Variants in CELF4 observed in about 807,000 individuals in gnomAD.
CELF4 encodes CUG-BP- and ETR-3-like factor 4.
In CELF4, 18 loss-of-function variants were observed where a neutral mutation model predicts 59.9. That is an observed-to-expected ratio of 0.30 (90% CI 0.21 to 0.45). The LOEUF is 0.45. CELF4 is among the 20% of genes least tolerant of loss of function. The probability of loss-of-function intolerance (pLI) is 1.00; values close to 1 mark genes in which losing one functional copy is unlikely to be tolerated. For missense variants in CELF4, 456 were observed against 689.0 expected (o/e 0.66, Z 3.79); for synonymous variants, 261 against 267.1 (o/e 0.98, Z 0.22).
intron 2 of CELF4, among the ~76,000 whole-genome samples, chr18:37,340,881 C>T (rs1048553291): frequency 1.3e-5 from 2 of 152,196 alleles, no homozygotes; most frequent in Non-Finnish European, 2.9e-5. Flanking sequence ...TCACTCCACG[C>T]ATGAGTCAGC....
intron 2 of CELF4, among the ~76,000 whole-genome samples, chr18:37,423,465 A>G (rs1253436076): frequency 2.0e-5 from 3 of 151,856 alleles, no homozygotes; most frequent in Non-Finnish European, 4.4e-5. Flanking sequence ...GCTCAGAGAC[A>G]TTGTTGGTAA....
intron 3 of CELF4, among the ~76,000 whole-genome samples, chr18:37,287,119 G>A (rs1273791247): frequency 1.3e-5 from 2 of 152,126 alleles, no homozygotes; most frequent in Non-Finnish European, 2.9e-5. Flanking sequence ...CAGGTGACTC[G>A]GGCTGGCCCC....
chr18:37,480,276 T>C (rs1037181619), intron 2 of CELF4, among the ~76,000 whole-genome samples: 20 of 152,296 alleles, frequency 1.3e-4, no homozygotes, highest in Non-Finnish European at 2.5e-4. Flanking sequence ...CAGGTGCTGA[T>C]GGGACCCAGA....
chr18:37,468,889 C>A (rs2099814919), intron 2 of CELF4, among the ~76,000 whole-genome samples: 1 of 152,150 alleles, frequency 6.6e-6, no homozygotes, highest in African/African-American at 2.4e-5. Context: ...CCAATCATCT[C>A]CTACTAGGTC....
intron 2 of CELF4, among the ~76,000 whole-genome samples, chr18:37,346,914 G>A (rs1569567191): frequency 6.6e-6 from 1 of 152,110 alleles, no homozygotes; most frequent in African/African-American, 2.4e-5. Flanking sequence ...GTGGTGGACG[G>A]GGTATCTTTG....
At chr18:37,366,066 G>C (rs138885485) in intron 2 of CELF4, among the ~76,000 whole-genome samples, 4 of 152,152 alleles carry the variant, frequency 2.6e-5, no homozygotes, top group Non-Finnish European at 5.9e-5. Flanking sequence ...ATGGAATACA[G>C]CATCTTGAAA....
At chr18:37,320,976 C>T (rs925297924) in intron 3 of CELF4, among the ~76,000 whole-genome samples, 1 of 152,068 alleles carries the variant, frequency 6.6e-6, no homozygotes, top group East Asian at 1.9e-4. Context: ...TTTGCCATGT[C>T]CTTGCCTTTC....
intron 2 of CELF4, among the ~76,000 whole-genome samples, chr18:37,414,503 CTTTT>C (rs55943928): frequency 3.4e-5 from 4 of 116,064 alleles, no homozygotes; most frequent in South Asian, 5.6e-4. Flanking sequence ...CTTTTCTTTT[CTTTT>C]TTTTTTTTTT....
At chr18:37,388,280 G>A (rs569522016) in intron 2 of CELF4, among the ~76,000 whole-genome samples, 2 of 152,206 alleles carry the variant, frequency 1.3e-5, no homozygotes, top group East Asian at 3.9e-4. Context: ...AAGAGATGGG[G>A]TAGGGAATAC....
chr18:37,439,285 G>A (rs2099703945), intron 2 of CELF4, among the ~76,000 whole-genome samples: 1 of 152,192 alleles, frequency 6.6e-6, no homozygotes, highest in Non-Finnish European at 1.5e-5. Flanking sequence ...TACTTGGATG[G>A]CCATGGGACA....
chr18:37,252,491 G>A (rs1421775554), intron 12 of CELF4, among the ~76,000 whole-genome samples: 1 of 151,682 alleles, frequency 6.6e-6, no homozygotes, highest in African/African-American at 2.4e-5. Context: ...AGAGACCAAA[G>A]TCCACGCAGT....
At chr18:37,396,118 C>A (rs1303506587) in intron 2 of CELF4, among the ~76,000 whole-genome samples, 3 of 152,208 alleles carry the variant, frequency 2.0e-5, no homozygotes, top group Non-Finnish European at 4.4e-5. Context: ...TCTGTGGGTT[C>A]TTTCTCTCTG....
At chr18:37,358,840 A>T (rs2098651305) in intron 2 of CELF4, among the ~76,000 whole-genome samples, 1 of 152,104 alleles carries the variant, frequency 6.6e-6, no homozygotes, top group African/African-American at 2.4e-5. Flanking sequence ...TGGGTGGTTC[A>T]TGCCTGTAAT....
At chr18:37,250,225 T>G (rs1358656599) in intron 12 of CELF4, among the ~76,000 whole-genome samples, 1 of 152,178 alleles carries the variant, frequency 6.6e-6, no homozygotes, top group African/African-American at 2.4e-5. Context: ...TGGCAAAGAT[T>G]GCTTAGAGAA....
chr18:37,287,337 A>G (rs1259306398), intron 3 of CELF4, among the ~76,000 whole-genome samples: 1 of 152,208 alleles, frequency 6.6e-6, no homozygotes, highest in Non-Finnish European at 1.5e-5. Context: ...TTCAGACTGC[A>G]AAATTCTGGG....
intron 6 of CELF4, chr18:37,273,597 T>C (rs1569450771): frequency 4.0e-6 from 4 of 991,204 alleles, no homozygotes; most frequent in Middle Eastern, 5.2e-4. Flanking sequence ...GACAGGAGAA[T>C]TATGAATAGA....
At chr18:37,555,119 C>T (rs2099984376) in intron 1 of CELF4, among the ~76,000 whole-genome samples, 1 of 152,134 alleles carries the variant, frequency 6.6e-6, no homozygotes, top group Non-Finnish European at 1.5e-5. Context: ...CTCCTGGAGC[C>T]AGTATATCCC....
chr18:37,433,558 T>C (rs905228373), intron 2 of CELF4, among the ~76,000 whole-genome samples: 16 of 152,244 alleles, frequency 1.1e-4, no homozygotes, highest in Admixed American at 1.0e-3. Flanking sequence ...AGAACCATTT[T>C]CGTTTGAGCT....
At chr18:37,335,452 C>A (rs1446219435) in intron 2 of CELF4, among the ~76,000 whole-genome samples, 1 of 151,122 alleles carries the variant, frequency 6.6e-6, no homozygotes, top group African/African-American at 2.4e-5. Flanking sequence ...GTGTGCATGT[C>A]CATGTGTGAG....
Sources: gnomAD v4.1 joint callset for allele counts (sites outside exome capture counted in the v4.1 genomes callset) on GRCh38, gnomAD v4.1.1 for gene constraint, MANE v1.5 for transcripts, NCBI Gene and HGNC (gene_info 2026-07-23, HGNC 2026-07-21) for gene names.